PPP2R5A: variants seen among roughly 807,000 people sequenced by gnomAD.
PPP2R5A encodes the protein serine/threonine-protein phosphatase 2A 56 kDa regulatory subunit alpha isoform.
PPP2R5A carries 25 observed loss-of-function variants against 64.2 expected under a neutral mutation model. The observed-to-expected ratio is 0.39, with a 90% CI of 0.28 to 0.54. The LOEUF is 0.54. Among genes scored for constraint, PPP2R5A ranks in the 20% least tolerant of loss-of-function variants. The pLI is 0.67. For synonymous variants in PPP2R5A, 198 were observed against 201.2 expected (o/e 0.98, Z 0.13); for missense variants, 425 against 576.3 (o/e 0.74, Z 2.69).
In PPP2R5A at chr1:212,338,162, CT is replaced by C. The variant is rs545163851; in HGVS notation, c.481-4025del. On this transcript the variant is annotated intron_variant, in intron 3 of 12. Transcript: ENST00000261461. Reference sequence around the variant, plus strand: ...TCTATGCTGTTTTCTGTTGGAACTTCTCCCAAGTCTTTTTAATGGTGAAGAC... The same window carrying C: ...TCTATGCTGTTTTCTGTTGGAACTTCCCCAAGTCTTTTTAATGGTGAAGAC... Among the ~76,000 whole-genome samples the C allele has an allele frequency of 1.4e-3, 219 of 152,254 alleles. 2 individuals carry two copies. Among genetic ancestry groups the C allele is most frequent in the African/African-American group, 5.1e-3 (212 of 41,550 alleles).
At position 212,348,434 on chromosome 1, in the gene PPP2R5A, A is replaced by G. The variant is rs1420227224; in HGVS notation, c.810A>G (p.Gln270=). ...TGCCACTGAAAGCAGAACATAAACAATTTCTAATGAAGGTTCTTATTCCTA... is the reference window on the plus strand; with the variant it reads ...TGCCACTGAAAGCAGAACATAAACAGTTTCTAATGAAGGTTCTTATTCCTA... ...FALPLKAEHK[Q]FLMKVLIPMH... is the part of the protein sequence containing the mutation. The change falls in exon 7 of 13, where the codon CAA becomes CAG. Residue 270 remains glutamine, a synonymous_variant. Transcript: ENST00000261461. The G allele has an allele frequency of 1.9e-6, 3 of 1,611,308 alleles. No individual in the cohort carries two copies. Among genetic ancestry groups the G allele is most frequent in the Non-Finnish European group, 1.7e-6 (2 of 1,178,256 alleles).
rs1276538036 is a variant in PPP2R5A at position 212,329,242 on chromosome 1, A to G, written c.289A>G (p.Lys97Glu). 6.2e-7 allele frequency: 1 copy of G among 1,613,728 alleles called. No individual in the cohort carries two copies. Among genetic ancestry groups the G allele is most frequent in the Non-Finnish European group, 8.5e-7 (1 of 1,179,828 alleles). Residue 97 changes from lysine (K) to glutamate (E), a missense_variant, in exon 2 of 13, where the codon AAA (lysine) becomes GAA (glutamate). Physicochemically the swap from Lys to Glu is moderately conservative, Grantham distance 56 (BLOSUM62 1). Coordinates refer to ENST00000261461, the MANE Select transcript of PPP2R5A (RefSeq NM_006243.4). ...SVSDLKSKEI[K>E]RATLNELVEY... is the part of the protein sequence containing the mutation. ...TTCAGACTTGAAGAGCAAAGAAATT[A>G]AAAGAGCAACACTGAATGAACTGGT... is the stretch of plus-strand genomic sequence containing the variant.
chr1:212,351,879 T>C (rs1325497774), intron 8 of PPP2R5A, among the ~76,000 whole-genome samples: 1 of 152,062 alleles, frequency 6.6e-6, no homozygotes, highest in Non-Finnish European at 1.5e-5. Context: ...CAAAGCTGCA[T>C]TTTTATAAAA....
intron 1 of PPP2R5A, among the ~76,000 whole-genome samples, chr1:212,309,824 GA>G (rs932149131): frequency 2.2e-4 from 33 of 148,450 alleles, no homozygotes; most frequent in African/African-American, 4.4e-4. Context: ...CGAGCTAAAA[GA>G]AAAAAAAAAG....
Position 212,349,177 on chromosome 1 carries a change from C to A in PPP2R5A, c.874-12C>A. On this transcript the variant is annotated splice_polypyrimidine_tract_variant and intron_variant, in intron 7 of 12. Coordinates refer to ENST00000261461, the MANE Select transcript of PPP2R5A (RefSeq NM_006243.4). Reference sequence around the variant, plus strand: ...TCTCACTAATATTTATAAACTGTCCCTTACCTTTTAGCTAGCATATTGTGT... The same window carrying A: ...TCTCACTAATATTTATAAACTGTCCATTACCTTTTAGCTAGCATATTGTGT... 1 of 1,516,970 alleles carries A rather than the reference C, an allele frequency of 6.6e-7. No individual in the cohort carries two copies. The highest frequency in any genetic ancestry group is 1.3e-5 in the South Asian group (1 of 79,124). 94.0% of individuals were successfully genotyped at this position (1,516,970 alleles called of 1,614,324 possible).
intron 4 of PPP2R5A, among the ~76,000 whole-genome samples, chr1:212,344,173 T>A (rs1659734637): frequency 1.3e-5 from 2 of 152,180 alleles, no homozygotes; most frequent in African/African-American, 4.8e-5. Context: ...AGGGTTTTAC[T>A]GTGTTGGCCA....
intron 4 of PPP2R5A, among the ~76,000 whole-genome samples, chr1:212,344,693 C>T (rs1269231263): frequency 1.3e-5 from 2 of 152,026 alleles, no homozygotes; most frequent in Non-Finnish European, 2.9e-5. Context: ...AATTAAGTTT[C>T]TTTACCATTT....
chr1:212,356,825 C>A, intron 9 of PPP2R5A, 125 bp from the exon 10 acceptor site: 1 of 1,264,088 alleles, frequency 7.9e-7, no homozygotes. Flanking sequence ...CTATAGTAAA[C>A]TCTGCCATCC....
At chr1:212,330,587 A>G (rs1659486585) in intron 2 of PPP2R5A, among the ~76,000 whole-genome samples, 1 of 151,928 alleles carries the variant, frequency 6.6e-6, no homozygotes, top group South Asian at 2.1e-4. Flanking sequence ...GACTAATTAG[A>G]GAGTCGCTGA....
chr1:212,288,870 G>C (rs1009941897), intron 1 of PPP2R5A, among the ~76,000 whole-genome samples: 1 of 45,034 alleles, frequency 2.2e-5, no homozygotes, highest in Non-Finnish European at 4.2e-5. Context: ...GCCTGCTTAT[G>C]TTACTTTGAC....
intron 1 of PPP2R5A, among the ~76,000 whole-genome samples, chr1:212,290,501 TCTG>T (rs897160037): frequency 5.9e-5 from 9 of 152,232 alleles, no homozygotes; most frequent in African/African-American, 2.2e-4. Context: ...AGATATCTCT[TCTG>T]GAAGATTTAT....
intron 1 of PPP2R5A, among the ~76,000 whole-genome samples, chr1:212,315,000 C>G (rs929709489): frequency 2.0e-5 from 3 of 152,178 alleles, no homozygotes; most frequent in Admixed American, 2.0e-4. Context: ...AGCCACCACG[C>G]CCAGCCTAAT....
Position 212,361,102 on chromosome 1 carries a change from G to C in PPP2R5A, c.*332G>C, listed in dbSNP as rs1477962674. The C allele has an allele frequency of 2.3e-5, 4 of 172,054 alleles. No homozygotes were observed. Among genetic ancestry groups the C allele is most frequent in the Non-Finnish European group, 4.9e-5 (4 of 80,980 alleles). 10.7% of individuals were successfully genotyped at this position (172,054 alleles called of 1,614,324 possible). A position where few individuals can be genotyped will look rare whatever the true frequency, so the allele number is the denominator to read the frequency against. ...TTCTTCTTTGATTGTGTTGCACATA[G>C]ATATGGTAGTCTGCTCTGTATATTT... On this transcript the variant is annotated 3_prime_UTR_variant, in exon 13 of 13. Transcript: ENST00000261461.
chr1:212,307,273 A>G lies in PPP2R5A; in HGVS notation c.181+20982A>G, dbSNP rs1489186235. On this transcript the variant is annotated intron_variant, in intron 1 of 12. Transcript: ENST00000261461. ...ATATTTTTGAGAGTTTTTTTTTTTT[A>G]GTGGCTGCCCTTGGGTTTATTATAT... 3.5e-5 allele frequency among the ~76,000 whole-genome samples: 5 copies of G among 142,174 alleles called. No individual in the cohort carries two copies. The East Asian group carries it at 1.0e-3, about 29-fold the overall frequency. The allele number at this position is 142,174 out of a possible 152,430, so 93.3% of individuals were successfully genotyped here.
At chr1:212,315,454 G>C (rs909610843) in intron 1 of PPP2R5A, among the ~76,000 whole-genome samples, 1 of 152,154 alleles carries the variant, frequency 6.6e-6, no homozygotes, top group Admixed American at 6.5e-5. Flanking sequence ...ACCCAAACTT[G>C]TCTTAAAGAC....
chr1:212,351,725 G>A (rs372153750), intron 8 of PPP2R5A, among the ~76,000 whole-genome samples: 4 of 152,072 alleles, frequency 2.6e-5, no homozygotes, highest in East Asian at 1.9e-4. Flanking sequence ...GTGAGACTCC[G>A]TCTAAAAAGA....
At chr1:212,320,569 G>C (rs1484511860) in intron 1 of PPP2R5A, among the ~76,000 whole-genome samples, 10 of 144,090 alleles carry the variant, frequency 6.9e-5, no homozygotes, top group Admixed American at 1.3e-4. Flanking sequence ...CTGTCCGGGC[G>C]GGGGGCTGAC....
Position 212,342,192 on chromosome 1 carries a change from T to C in PPP2R5A, c.485T>C (p.Val162Ala). ...TTATTTGACTTTCTCTCATAGTTGG[T>C]ATATGAATTCTTCTTGAGATTTTTG... ...LEASWPHIQL[V>A]YEFFLRFLES... Residue 162 changes from valine to alanine, a missense_variant, in exon 4 of 13, where the codon GTA becomes GCA. Val to Ala is a moderately conservative substitution (Grantham distance 64). Transcript: ENST00000261461. 2 of 1,613,532 alleles carry C rather than the reference T, an allele frequency of 1.2e-6. No individual in the cohort carries two copies. The highest frequency in any genetic ancestry group is 1.7e-6 in the Non-Finnish European group (2 of 1,179,714).
chr1:212,303,176 C>T (rs1464965710), intron 1 of PPP2R5A, among the ~76,000 whole-genome samples: 2 of 152,138 alleles, frequency 1.3e-5, no homozygotes, highest in Admixed American at 6.5e-5. Context: ...CAGTTTTTTC[C>T]ATAGTGGCTG....
Sources: allele counts gnomAD v4.1 joint callset (sites outside exome capture counted in the v4.1 genomes callset), GRCh38; gene constraint gnomAD v4.1.1; transcripts MANE v1.5; gene names NCBI Gene and HGNC (gene_info 2026-07-23, HGNC 2026-07-21).